Variants in SNURF observed in about 807,000 individuals in gnomAD.
SNURF encodes SNRPN upstream open reading frame, also known as SNURF protein.
Under a neutral mutation model 11.6 loss-of-function variants are expected in SNURF, and 6 were observed. The observed-to-expected ratio is 0.52, with a 90% CI of 0.28 to 1.02. The LOEUF is 1.02. Among genes scored for constraint, SNURF ranks in the 50% least tolerant of loss-of-function variants. SNURF has a pLI of 0.09. For missense variants in SNURF, 84 were observed against 88.4 expected (o/e 0.95, Z 0.20); for synonymous variants, 29 against 31.6 (o/e 0.92, Z 0.27).
chr15:24,975,448 A>C, exon 4 of SNURF: 1 of 1,613,590 alleles, frequency 6.2e-7, no homozygotes, highest in Non-Finnish European at 8.5e-7. Flanking sequence ...TGGCACCTTT[A>C]AGGCTTTTGA....
intron 2 of SNURF, among the ~76,000 whole-genome samples, chr15:24,963,623 A>G (rs2075186955): frequency 6.6e-6 from 1 of 152,010 alleles, no homozygotes; most frequent in Non-Finnish European, 1.5e-5. Flanking sequence ...TCAGGAAAAA[A>G]AAAAAAAGAA....
rs1004964684 is a variant in SNURF, at chr15:24,977,142, T to C, written c.*462+113T>C. ...CATACAATGTAAACAGCATATGGTT[T>C]AGGAGGAACCAAAACACAGATATAT... On this transcript the variant is annotated intron_variant and NMD_transcript_variant, in intron 6 of 6. Coordinates refer to the SNURF transcript ENST00000580062. 3 of 785,378 alleles carry C rather than the reference T, an allele frequency of 3.8e-6. No homozygotes were observed. The Admixed American group carries it at 1.1e-4, about 30-fold the overall frequency. 48.7% of individuals were successfully genotyped at this position (785,378 alleles called of 1,614,324 possible).
downstream of SNURF, among the ~76,000 whole-genome samples, chr15:24,969,821 C>G (rs1381117865): frequency 6.6e-6 from 1 of 152,170 alleles, no homozygotes; most frequent in African/African-American, 2.4e-5. Flanking sequence ...ATATCTGGAC[C>G]ACTACCTGTG....
At chr15:24,977,024 C>A in exon 6 of SNURF, 1 of 1,566,434 alleles carries the variant, frequency 6.4e-7, no homozygotes, top group Non-Finnish European at 8.6e-7. Context: ...GGGACCATCC[C>A]AGCAGGTGAG....
At chr15:24,968,683 T>A (rs1026275877), downstream of SNURF, 10 of 152,490 alleles carry the variant, frequency 6.6e-5, no homozygotes, top group African/African-American at 2.4e-4. Context: ...TAATTAACAA[T>A]GAGTATTAGA....
intron 1 of SNURF, among the ~76,000 whole-genome samples, chr15:24,956,459 G>A (rs1457008984): frequency 6.6e-6 from 1 of 152,146 alleles, no homozygotes; most frequent in East Asian, 1.9e-4. Flanking sequence ...CCTCTTTAGG[G>A]TGCAGTGGTA....
At chr15:24,969,130 A>T (rs2076071334), downstream of SNURF, among the ~76,000 whole-genome samples, 1 of 151,750 alleles carries the variant, frequency 6.6e-6, no homozygotes. Context: ...TGAGTTATTA[A>T]TTAATTTATT....
At position 24,962,171 on chromosome 15, in the gene SNURF, A is replaced by G. The variant is rs1177988822; in HGVS notation, c.72A>G (p.Gln24=). 4 of 1,614,050 alleles carry G rather than the reference A, an allele frequency of 2.5e-6. No individual in the cohort carries two copies. The African/African-American group carries it at 4.0e-5, about 16-fold the overall frequency. ...AGCACGTACCAGAGGTGGAAGTCCA[A>G]GTCAAACGCAGAAGGACTGCCTCAC... Residue 24 remains glutamine (Q), a synonymous_variant, in exon 2 of 3, where the codon CAA becomes CAG. Transcript: ENST00000577949.
rs10626759 is a variant in SNURF at position 24,956,354 on chromosome 15, C to CG, written c.14+1299dup. Among the ~76,000 whole-genome samples, 591 of 138,222 alleles carry CG rather than the reference C, an allele frequency of 4.3e-3. 25 individuals are homozygous for CG. Among genetic ancestry groups the CG allele is most frequent in the African/African-American group, 0.013 (465 of 36,544 alleles). 90.7% of individuals were successfully genotyped at this position (138,222 alleles called of 152,430 possible). A position where few individuals can be genotyped will look rare whatever the true frequency, so the allele number is the denominator to read the frequency against. The stretch of plus-strand genomic sequence containing the variant: ...GCTTAGATCTGCGCAAGCGCTTCAG[C>CG]GGGGGGGTGGCCGCTTCCTCCCTGT... On this transcript the variant is annotated intron_variant, in intron 1 of 2. Transcript: ENST00000577949.
chr15:24,955,604 G>T (rs1234267749), intron 1 of SNURF, among the ~76,000 whole-genome samples: 3 of 143,972 alleles, frequency 2.1e-5, no homozygotes, highest in African/African-American at 5.1e-5. Context: ...TGGGGCGACT[G>T]GGGGGGGAAT....
chr15:24,961,678 A>G (rs552535344), intron 1 of SNURF, among the ~76,000 whole-genome samples: 15 of 152,272 alleles, frequency 9.9e-5, no homozygotes, highest in African/African-American at 3.4e-4. Flanking sequence ...AATTTAAACT[A>G]TGTTCTATTC....
intron 1 of SNURF, among the ~76,000 whole-genome samples, chr15:24,960,332 C>A (rs2074561119): frequency 6.6e-6 from 1 of 152,004 alleles, no homozygotes; most frequent in Non-Finnish European, 1.5e-5. Flanking sequence ...CAGATGGTGG[C>A]ATTTCAGTGG....
chr15:24,974,178 C>A, intron 3 of SNURF: 1 of 469,610 alleles, frequency 2.1e-6, no homozygotes, highest in Non-Finnish European at 3.8e-6. Flanking sequence ...GTGGCAGTCC[C>A]TTGGTGAGGA....
chr15:24,972,141 A>G (rs1419899498), downstream of SNURF, among the ~76,000 whole-genome samples: 1 of 151,862 alleles, frequency 6.6e-6, no homozygotes, highest in Admixed American at 6.6e-5. Context: ...CTGTAATCCT[A>G]GCTACTCAGG....
chr15:24,968,103 G>C, exon 3 of SNURF: 1 of 1,339,270 alleles, frequency 7.5e-7, no homozygotes, highest in Non-Finnish European at 1.1e-6. Context: ...ATGCAGCAAT[G>C]ATCAAGAATA....
intron 1 of SNURF, among the ~76,000 whole-genome samples, chr15:24,961,214 G>A (rs2074750887): frequency 6.6e-6 from 1 of 152,100 alleles, no homozygotes; most frequent in African/African-American, 2.4e-5. Flanking sequence ...ATGTGTGTAT[G>A]GCTTGATTAG....
chr15:24,959,522 T>C (rs950871375), intron 1 of SNURF, among the ~76,000 whole-genome samples: 24 of 152,228 alleles, frequency 1.6e-4, no homozygotes, highest in Admixed American at 6.5e-4. Context: ...ATTTCCTCAG[T>C]TGACCTCAGA....
chr15:24,975,601 A>C (rs1002470255), intron 4 of SNURF: 1 of 1,050,132 alleles, frequency 9.5e-7, no homozygotes, highest in African/African-American at 1.6e-5. Context: ...GGGTAACTGA[A>C]GTAGTTAGGG....
At chr15:24,958,937 C>G (rs750416010) in intron 1 of SNURF, 2 of 152,598 alleles carry the variant, frequency 1.3e-5, no homozygotes, top group Admixed American at 6.6e-5. Flanking sequence ...AGACTGGTCT[C>G]GAACTCCTGG....
Sources: gnomAD v4.1 joint callset for allele counts (sites outside exome capture counted in the v4.1 genomes callset) on GRCh38, gnomAD v4.1.1 for gene constraint, MANE v1.5 for transcripts, NCBI Gene and HGNC (gene_info 2026-07-23, HGNC 2026-07-21) for gene names.